Variants in ZNF423 observed in about 807,000 individuals in gnomAD.
ZNF423 encodes the protein Ebf-associated zinc finger protein.
Under a neutral mutation model 95.8 loss-of-function variants are expected in ZNF423, and 12 were observed. That is an observed-to-expected ratio of 0.13 (90% CI 0.08 to 0.20). The LOEUF is 0.20. Among genes scored for constraint, ZNF423 ranks in the 10% least tolerant of loss-of-function variants. The pLI, the probability that ZNF423 is intolerant of heterozygous loss-of-function variation, is 1.00. For missense variants in ZNF423, 1,316 were observed against 1,737.1 expected (o/e 0.76, Z 4.31); for synonymous variants, 749 against 711.9 (o/e 1.05, Z -0.83).
At chr16:49,493,054 CA>C (rs1208283891) in intron 7 of ZNF423, among the ~76,000 whole-genome samples, 1 of 152,112 alleles carries the variant, frequency 6.6e-6, no homozygotes, top group Non-Finnish European at 1.5e-5. Context: ...AGGCACCAGG[CA>C]GGTTGTCTGA....
intron 1 of ZNF423, among the ~76,000 whole-genome samples, chr16:49,815,912 A>ATTT (rs1335669959): frequency 4.6e-4 from 17 of 36,718 alleles, no homozygotes; most frequent in East Asian, 1.3e-3. Context: ...ATATATATAT[A>ATTT]TATTTTTTTT....
chr16:49,842,410 AAGGCAGGCAGGCAGGCAGGCAGGC>A (rs1211045896), intron 1 of ZNF423, among the ~76,000 whole-genome samples: 4 of 77,914 alleles, frequency 5.1e-5, no homozygotes, highest in Non-Finnish European at 1.2e-4. Context: ...GGAAGGAAGG[AAGGCAGGCAGGCAGGCAGGCAGGC>A]AGGCAGGCAG....
At chr16:49,850,820 A>G (rs371906541) in intron 1 of ZNF423, among the ~76,000 whole-genome samples, 1 of 152,236 alleles carries the variant, frequency 6.6e-6, no homozygotes, top group East Asian at 1.9e-4. Flanking sequence ...TCATGTTTCA[A>G]AGAGGTCATT....
chr16:49,573,214 G>A (rs1970404809), intron 5 of ZNF423, among the ~76,000 whole-genome samples: 1 of 152,150 alleles, frequency 6.6e-6, no homozygotes, highest in Admixed American at 6.5e-5. Context: ...TGGATGGACT[G>A]ATGTATGTCC....
intron 3 of ZNF423, among the ~76,000 whole-genome samples, chr16:49,730,246 A>G (rs2033129317): frequency 6.6e-6 from 1 of 152,198 alleles, no homozygotes; most frequent in South Asian, 2.1e-4. Flanking sequence ...AGTCAAATCT[A>G]GCAGAAGCAG....
intron 3 of ZNF423, among the ~76,000 whole-genome samples, chr16:49,677,230 A>AGAG (rs2031095256): frequency 1.1e-4 from 1 of 9,440 alleles, no homozygotes; most frequent in Non-Finnish European, 2.1e-4. Context: ...AAACAAGAAA[A>AGAG]GAGAAGAGAA....
chr16:49,842,224 G>T (rs1372087234), intron 1 of ZNF423, among the ~76,000 whole-genome samples: 1 of 130,398 alleles, frequency 7.7e-6, no homozygotes, highest in Non-Finnish European at 1.6e-5. Flanking sequence ...TGCGACAGAG[G>T]AAGAGAAGGG....
intron 3 of ZNF423, among the ~76,000 whole-genome samples, chr16:49,723,981 T>C (rs2032938126): frequency 6.6e-6 from 1 of 152,262 alleles, no homozygotes; most frequent in African/African-American, 2.4e-5. Flanking sequence ...GAAGATTCCT[T>C]CTGATGCCTG....
chr16:49,651,189 T>C (rs1196634291), intron 3 of ZNF423, among the ~76,000 whole-genome samples: 1 of 116,744 alleles, frequency 8.6e-6, no homozygotes, highest in Non-Finnish European at 1.8e-5. Flanking sequence ...CCTGGCTAAT[T>C]TTAATTTTTT....
chr16:49,683,056 G>T (rs564094002), intron 3 of ZNF423, among the ~76,000 whole-genome samples: 1 of 152,334 alleles, frequency 6.6e-6, no homozygotes, highest in South Asian at 2.1e-4. Flanking sequence ...AGTGCCCAGA[G>T]GAGTGGGGAC....
chr16:49,642,743 A>T (rs989838362), intron 3 of ZNF423, among the ~76,000 whole-genome samples: 2 of 150,650 alleles, frequency 1.3e-5, no homozygotes, highest in Non-Finnish European at 3.0e-5. Flanking sequence ...GAGATAAGCT[A>T]GGGCCAAAGC....
intron 5 of ZNF423, among the ~76,000 whole-genome samples, chr16:49,535,207 T>A (rs548757768): frequency 6.6e-6 from 1 of 152,320 alleles, no homozygotes. Flanking sequence ...GGATTACCAG[T>A]GGAGGCTCCT....
chr16:49,511,917 C>T (rs1299655100), intron 7 of ZNF423, among the ~76,000 whole-genome samples: 1 of 152,168 alleles, frequency 6.6e-6, no homozygotes, highest in Non-Finnish European at 1.5e-5. Context: ...GCTCAGGCTC[C>T]ACAGTGCCCC....
intron 1 of ZNF423, among the ~76,000 whole-genome samples, chr16:49,814,459 G>T (rs2034805569): frequency 6.6e-6 from 1 of 151,226 alleles, no homozygotes; most frequent in Non-Finnish European, 1.5e-5. Context: ...GACAGGGGTG[G>T]GCTGTGCCAG....
At chr16:49,609,601 A>G (rs897758122) in intron 5 of ZNF423, among the ~76,000 whole-genome samples, 2 of 152,186 alleles carry the variant, frequency 1.3e-5, no homozygotes, top group African/African-American at 4.8e-5. Context: ...TTAAAACCCA[A>G]TGAATAGGCC....
intron 1 of ZNF423, among the ~76,000 whole-genome samples, chr16:49,799,785 T>C (rs2034554106): frequency 6.6e-6 from 1 of 152,206 alleles, no homozygotes; most frequent in Admixed American, 6.5e-5. Context: ...TTCTTTGTTT[T>C]GTTTTGGTTT....
chr16:49,490,047 C>T lies in ZNF423; in HGVS notation c.*1228G>A, dbSNP rs1289988807. 6.6e-6 allele frequency: 1 copy of T among 152,332 alleles called. No homozygotes were observed. Among genetic ancestry groups the T allele is most frequent in the East Asian group, 1.9e-4 (1 of 5,192 alleles). 9.4% of individuals were successfully genotyped at this position (152,332 alleles called of 1,614,324 possible). A position where few individuals can be genotyped will look rare whatever the true frequency, so the allele number is the denominator to read the frequency against. Reference sequence around the variant, plus strand: ...ACCCCAGGCCCCTGCCTGCCTCACTCCAGACCTGGCCCCCGCCACCAGTCT... The same window carrying T: ...ACCCCAGGCCCCTGCCTGCCTCACTTCAGACCTGGCCCCCGCCACCAGTCT... On this transcript the variant is annotated 3_prime_UTR_variant, in exon 8 of 8. Transcript: ENST00000563137.
chr16:49,646,272 TG>T (rs1973165714), intron 3 of ZNF423, among the ~76,000 whole-genome samples: 2 of 152,208 alleles, frequency 1.3e-5, no homozygotes, highest in Non-Finnish European at 2.9e-5. Flanking sequence ...CCTAAGCAGG[TG>T]GCTTTCCAGA....
At chr16:49,721,298 A>G (rs2032858890) in intron 3 of ZNF423, among the ~76,000 whole-genome samples, 1 of 152,206 alleles carries the variant, frequency 6.6e-6, no homozygotes. Flanking sequence ...CAGCTAGACT[A>G]TACATTTCCC....
Sources: gnomAD v4.1 joint callset for allele counts (sites outside exome capture counted in the v4.1 genomes callset) on GRCh38, gnomAD v4.1.1 for gene constraint, MANE v1.5 for transcripts, NCBI Gene and HGNC (gene_info 2026-07-23, HGNC 2026-07-21) for gene names.